The following GALNT6 variants were observed in gnomAD, a reference collection of about 807,000 sequenced individuals.
The protein encoded by GALNT6 is polypeptide N-acetylgalactosaminyltransferase 6, also known as GalNAc transferase 6.
GALNT6 carries 51 observed loss-of-function variants against 65.9 expected under a neutral mutation model. That is an observed-to-expected ratio of 0.77 (90% CI 0.62 to 0.98). The LOEUF is 0.98. Among genes scored for constraint, GALNT6 ranks in the 50% least tolerant of loss-of-function variants. The pLI, the probability that GALNT6 is intolerant of heterozygous loss-of-function variation, is 0.00. For synonymous variants in GALNT6, 323 were observed against 315.1 expected, an observed-to-expected ratio of 1.02 and a Z score of -0.26; for missense variants, 708 against 803.3, an observed-to-expected ratio of 0.88 and a Z score of 1.43.
At chr12:51,355,770 A>G (rs1946726354) in intron 11 of GALNT6, 36 bp downstream of exon 11, 1 of 1,604,212 alleles carries the variant, frequency 6.2e-7, no homozygotes, top group African/African-American at 1.3e-5. Context: ...CCTGGCCTCA[A>G]GTTCTTGATT....
intron 2 of GALNT6, among the ~76,000 whole-genome samples, chr12:51,381,261 T>C (rs1295327911): frequency 6.6e-6 from 1 of 152,140 alleles, no homozygotes; most frequent in Non-Finnish European, 1.5e-5. Flanking sequence ...ATAAAAGTTA[T>C]CTGTAATCTA....
chr12:51,381,923 A>T (rs1947686012), intron 2 of GALNT6, among the ~76,000 whole-genome samples: 1 of 152,200 alleles, frequency 6.6e-6, no homozygotes. Flanking sequence ...CTTAAAAATA[A>T]CTCTGGTTGT....
chr12:51,390,156 C>CTTTTTT (rs796243349), intron 2 of GALNT6, among the ~76,000 whole-genome samples: 1 of 116,322 alleles, frequency 8.6e-6, no homozygotes, highest in South Asian at 2.6e-4. Flanking sequence ...TTCTTTCTTT[C>CTTTTTT]TTTTTTTTTT....
chr12:51,359,046 TG>T, intron 8 of GALNT6, 85 bp downstream of exon 8: 1 of 1,035,420 alleles, frequency 9.7e-7, no homozygotes, highest in Non-Finnish European at 1.5e-6. Flanking sequence ...AGAGATGAGG[TG>T]GGTCCCAGCC....
chr12:51,364,284 G>A lies in GALNT6; in HGVS notation c.886C>T (p.Pro296Ser), dbSNP rs966593710. Residue 296 changes from proline to serine, a missense_variant, in exon 6 of 12, where the codon CCA (proline) becomes TCA (serine). Pro to Ser is a moderately conservative substitution (Grantham distance 74). Coordinates refer to ENST00000356317, the MANE Select transcript of GALNT6 (RefSeq NM_007210.4). ...TTAAGGTCGATGGTGACGATGTCTG[G>A]GCTCACCACCACTGTCTTGTCCTCA... ...IAEDKTVVVSPDIVTIDLNTF... is the reference protein window; with the variant it reads ...IAEDKTVVVSSDIVTIDLNTF... 1 of 1,614,082 alleles carries A rather than the reference G, an allele frequency of 6.2e-7. No homozygotes were observed. The highest frequency in any genetic ancestry group is 1.3e-5 in the African/African-American group (1 of 74,932).
intron 2 of GALNT6, among the ~76,000 whole-genome samples, chr12:51,385,220 C>T (rs1947794910): frequency 6.6e-6 from 1 of 152,052 alleles, no homozygotes; most frequent in Non-Finnish European, 1.5e-5. Flanking sequence ...AACTCCTAGG[C>T]CGAAGCAATC....
intron 2 of GALNT6, chr12:51,382,453 G>C (rs1314920720): frequency 6.5e-6 from 1 of 153,128 alleles, no homozygotes; most frequent in Non-Finnish European, 1.5e-5. Context: ...TGGCGAGTAG[G>C]AGTCAGCGAG....
intron 2 of GALNT6, 34 bp from the exon 3 acceptor site, chr12:51,379,918 C>T (rs575647564): frequency 6.6e-6 from 6 of 905,102 alleles, no homozygotes; most frequent in Admixed American, 5.7e-5. Flanking sequence ...GAGAAGTGAG[C>T]CAACACAGGG....
At position 51,366,991 on chromosome 12, in the gene GALNT6, C is replaced by T. The variant is rs147620617; in HGVS notation, c.665-1412G>A. ...AAAAATACAAAAATTAGGCCAGACG[C>T]GCTGGCTCATGGCTGTAATCCCAGT... On this transcript the variant is annotated intron_variant, in intron 4 of 11. Transcript: ENST00000356317. 2.5e-3 allele frequency among the ~76,000 whole-genome samples: 387 copies of T among 152,144 alleles called. 2 individuals are homozygous for T. The highest frequency in any genetic ancestry group is 8.4e-3 in the African/African-American group (349 of 41,496).
chr12:51,378,730 C>CA (rs913150430), intron 3 of GALNT6, among the ~76,000 whole-genome samples: 3 of 152,166 alleles, frequency 2.0e-5, no homozygotes, highest in African/African-American at 7.2e-5. Context: ...GGCTGCCACT[C>CA]AAAGATCTAA....
At chr12:51,366,898 C>A (rs1441555395) in intron 4 of GALNT6, among the ~76,000 whole-genome samples, 1 of 152,204 alleles carries the variant, frequency 6.6e-6, no homozygotes, top group Non-Finnish European at 1.5e-5. Context: ...GAGGCCAAGG[C>A]AGATGGATCA....
rs34486781 is a variant in GALNT6 at position 51,379,687 on chromosome 12, C to T, written c.95G>A (p.Ser32Asn). 2.1e-3 allele frequency: 3,380 copies of T among 1,614,136 alleles called. 8 individuals are homozygous for T. Among genetic ancestry groups the T allele is most frequent in the Middle Eastern group, 6.3e-3 (38 of 6,062 alleles). Residue 32 changes from serine (S) to asparagine (N), a missense_variant, in exon 3 of 12, where the codon AGC (serine) becomes AAC (asparagine). Coordinates refer to ENST00000356317, the MANE Select transcript of GALNT6 (RefSeq NM_007210.4). ...LFLFLLHRDVSSREEATEKPW... is the reference protein window; with the variant it reads ...LFLFLLHRDVNSREEATEKPW... ...CTTCTCTGTGGCCTCCTCTCTGCTG[C>T]TCACATCCCTATGCAGGAGGAAGAG... is the stretch of plus-strand genomic sequence containing the variant.
rs562145519 is a variant in GALNT6, at chr12:51,351,704, G to A, written c.*2675C>T. On this transcript the variant is annotated 3_prime_UTR_variant, in exon 12 of 12. Coordinates refer to ENST00000356317, the MANE Select transcript of GALNT6 (RefSeq NM_007210.4). ...GACAGGACCTCGTTTGACGTCTCAC[G>A]TCTCCACGTGCTTGACACAATACAT... 2.0e-5 allele frequency: 3 copies of A among 152,230 alleles called. No homozygotes were observed. The highest frequency in any genetic ancestry group is 7.2e-5 in the African/African-American group (3 of 41,548). 9.4% of individuals were successfully genotyped at this position (152,230 alleles called of 1,614,324 possible).
intron 6 of GALNT6, among the ~76,000 whole-genome samples, chr12:51,361,951 G>A (rs116798569): frequency 3.3e-5 from 5 of 152,296 alleles, no homozygotes; most frequent in African/African-American, 1.2e-4. Flanking sequence ...GATCCATCAA[G>A]GTGCCTACCC....
chr12:51,373,401 AGG>A (rs1191243221), intron 4 of GALNT6, among the ~76,000 whole-genome samples: 2 of 152,148 alleles, frequency 1.3e-5, no homozygotes, highest in African/African-American at 2.4e-5. Flanking sequence ...TGGTTTTATG[AGG>A]GGCTTCCCCT....
chr12:51,388,987 C>A (rs1335404877), intron 2 of GALNT6, among the ~76,000 whole-genome samples: 1 of 152,190 alleles, frequency 6.6e-6, no homozygotes, highest in South Asian at 2.1e-4. Context: ...TTCTAACAGT[C>A]CTTCTCCTCC....
rs12307648 is a variant in GALNT6, at chr12:51,378,890, C to G, written c.491+401G>C. ...GCTGTTAAGAAATGCCCACCCCCCC[C>G]CCAAACAGCTCAGCATTAGAGTCCC... On this transcript the variant is annotated intron_variant, in intron 3 of 11. Coordinates refer to ENST00000356317, the MANE Select transcript of GALNT6 (RefSeq NM_007210.4). 2.9e-4 allele frequency among the ~76,000 whole-genome samples: 42 copies of G among 145,014 alleles called. 1 individual carries two copies. The highest frequency in any genetic ancestry group is 5.4e-4 in the Non-Finnish European group (36 of 66,378).
At chr12:51,361,104 G>A (rs1946913475) in intron 6 of GALNT6, among the ~76,000 whole-genome samples, 1 of 152,184 alleles carries the variant, frequency 6.6e-6, no homozygotes, top group Non-Finnish European at 1.5e-5. Context: ...ACGTAACACT[G>A]GCCACCAGGG....
intron 2 of GALNT6, among the ~76,000 whole-genome samples, chr12:51,389,308 A>G (rs1947938589): frequency 6.6e-6 from 1 of 152,218 alleles, no homozygotes; most frequent in Non-Finnish European, 1.5e-5. Flanking sequence ...TACCATCACC[A>G]TTTTAAATAT....
Sources: gnomAD v4.1 joint callset for allele counts (sites outside exome capture counted in the v4.1 genomes callset) on GRCh38, gnomAD v4.1.1 for gene constraint, MANE v1.5 for transcripts, NCBI Gene and HGNC (gene_info 2026-07-23, HGNC 2026-07-21) for gene names.